Variants in PSD3 observed in about 807,000 individuals in gnomAD.
PSD3 encodes PH and SEC7 domain-containing protein 3.
PSD3 carries 49 observed loss-of-function variants against 105.5 expected under a neutral mutation model. The observed-to-expected ratio is 0.46, with a 90% CI of 0.37 to 0.59. PSD3 has a LOEUF of 0.59. Ranked by LOEUF, PSD3 falls within the 20% of genes least tolerant of loss-of-function variation. PSD3 has a pLI of 0.00. For missense variants in PSD3, 1,561 were observed against 1,263.8 expected (o/e 1.24, Z -3.57); for synonymous variants, 557 against 457.8 (o/e 1.22, Z -2.77).
At chr8:18,540,549 T>C (rs1800097866) in intron 15 of PSD3, among the ~76,000 whole-genome samples, 1 of 152,164 alleles carries the variant, frequency 6.6e-6, no homozygotes, top group Admixed American at 6.5e-5. Flanking sequence ...ATGTCTCACA[T>C]CCTTTCAGTC....
At chr8:18,904,515 G>A in intron 2 of PSD3, among the ~76,000 whole-genome samples, 1 of 152,192 alleles carries the variant, frequency 6.6e-6, no homozygotes, top group Non-Finnish European at 1.5e-5. Context: ...TCCCTGCTGG[G>A]TTTCAGACTT....
chr8:18,563,495 A>T (rs952012091), intron 14 of PSD3, among the ~76,000 whole-genome samples: 5 of 152,134 alleles, frequency 3.3e-5, no homozygotes, highest in African/African-American at 1.2e-4. Flanking sequence ...GAAACTGTTC[A>T]AAACGAAGTG....
intron 10 of PSD3, among the ~76,000 whole-genome samples, chr8:18,636,912 A>G (rs1585458717): frequency 6.6e-6 from 1 of 152,344 alleles, no homozygotes; most frequent in East Asian, 1.9e-4. Flanking sequence ...GACTGTATAT[A>G]TAAGTACACT....
At chr8:18,564,669 G>A (rs1585252317) in intron 14 of PSD3, among the ~76,000 whole-genome samples, 1 of 151,306 alleles carries the variant, frequency 6.6e-6, no homozygotes, top group African/African-American at 2.4e-5. Context: ...AGAAGTGACA[G>A]GACTTTATGA....
intron 8 of PSD3, among the ~76,000 whole-genome samples, chr8:18,796,029 A>T (rs548767540): frequency 3.0e-4 from 45 of 152,324 alleles, no homozygotes; most frequent in African/African-American, 9.9e-4. Flanking sequence ...ATTATATAGC[A>T]AATTCACCAC....
intron 3 of PSD3, among the ~76,000 whole-genome samples, chr8:18,871,111 T>C (rs903018822): frequency 6.6e-6 from 1 of 152,040 alleles, no homozygotes; most frequent in South Asian, 2.1e-4. Context: ...TATAAATAAA[T>C]AAACAAACAA....
In PSD3 at chr8:18,616,616, CTCTTT is replaced by C. The variant is rs1184228134; in HGVS notation, c.2410+15992_2410+15996del. ...TTTGCTAGCCAGGCCTCATCTTCCT[CTCTTT>C]TCTTTTCTTTTTTTTTTTTTGAGAC... On this transcript the variant is annotated intron_variant, in intron 11 of 15. Coordinates refer to ENST00000327040, the MANE Select transcript of PSD3 (RefSeq NM_015310.4). 6.2e-5 allele frequency among the ~76,000 whole-genome samples: 5 copies of C among 80,218 alleles called. 1 individual carries two copies. The highest frequency in any genetic ancestry group is 4.7e-4 in the South Asian group (1 of 2,120). The allele number at this position is 80,218 out of a possible 152,430, so 52.6% of individuals were successfully genotyped here.
chr8:19,046,430 T>G (rs1037420500), intron 1 of PSD3, among the ~76,000 whole-genome samples: 1 of 152,244 alleles, frequency 6.6e-6, no homozygotes, highest in East Asian at 1.9e-4. Context: ...CTTATACTTC[T>G]GACCTTTTCA....
intron 9 of PSD3, chr8:18,733,184 T>TG (rs1281092645): frequency 6.6e-6 from 1 of 152,130 alleles, no homozygotes; most frequent in Non-Finnish European, 1.5e-5. Context: ...CAAAAAGAAA[T>TG]GCTACAAGGA....
chr8:19,069,498 A>G (rs1829183619), intron 1 of PSD3, among the ~76,000 whole-genome samples: 1 of 152,256 alleles, frequency 6.6e-6, no homozygotes, highest in Non-Finnish European at 1.5e-5. Context: ...CACCCATTAC[A>G]TGTACATCTG....
intron 11 of PSD3, among the ~76,000 whole-genome samples, chr8:18,614,777 C>T (rs1332160532): frequency 6.6e-6 from 1 of 151,088 alleles, no homozygotes; most frequent in Non-Finnish European, 1.5e-5. Flanking sequence ...TACAGGTGTG[C>T]ACCATCATGC....
At chr8:18,843,500 C>T (rs1814825235) in intron 4 of PSD3, among the ~76,000 whole-genome samples, 1 of 152,090 alleles carries the variant, frequency 6.6e-6, no homozygotes, top group African/African-American at 2.4e-5. Flanking sequence ...TAGGAAAACC[C>T]CTCCTCCATG....
intron 9 of PSD3, among the ~76,000 whole-genome samples, chr8:18,706,252 A>C (rs1687869402): frequency 6.6e-6 from 1 of 152,232 alleles, no homozygotes; most frequent in African/African-American, 2.4e-5. Context: ...TTAAGATTTT[A>C]GGGTTCTTTG....
chr8:18,742,713 G>T (rs1804670276), intron 9 of PSD3, among the ~76,000 whole-genome samples: 1 of 152,026 alleles, frequency 6.6e-6, no homozygotes, highest in Admixed American at 6.6e-5. Context: ...CCAACTCCAG[G>T]TTTTAATCAC....
chr8:19,050,181 A>C (rs755070900), intron 1 of PSD3, among the ~76,000 whole-genome samples: 1 of 152,172 alleles, frequency 6.6e-6, no homozygotes, highest in Non-Finnish European at 1.5e-5. Context: ...GAAAAAAGAA[A>C]GTGTTCTAAT....
chr8:18,798,052 G>C (rs1437780598), intron 8 of PSD3, among the ~76,000 whole-genome samples: 2 of 152,116 alleles, frequency 1.3e-5, no homozygotes, highest in Non-Finnish European at 2.9e-5. Flanking sequence ...CACGAAAAAA[G>C]TGGTCATGAC....
In PSD3 at chr8:18,782,548, G is replaced by C. The variant is rs528157587; in HGVS notation, c.2082+16747C>G. 4.6e-5 allele frequency among the ~76,000 whole-genome samples: 7 copies of C among 152,280 alleles called. No individual in the cohort carries two copies. The East Asian group carries it at 1.4e-3, about 29-fold the overall frequency. ...GGACATCAGGCAGGCCAGTTCTTAGGCAACAGTGATGGCAACTCTGGGATG... is the reference window on the plus strand; with the variant it reads ...GGACATCAGGCAGGCCAGTTCTTAGCCAACAGTGATGGCAACTCTGGGATG... On this transcript the variant is annotated intron_variant, in intron 8 of 15. Coordinates refer to ENST00000327040, the MANE Select transcript of PSD3 (RefSeq NM_015310.4).
At chr8:18,945,973 C>CA (rs1040998191) in intron 1 of PSD3, among the ~76,000 whole-genome samples, 15 of 151,520 alleles carry the variant, frequency 9.9e-5, no homozygotes, top group African/African-American at 3.4e-4. Context: ...ACTCCATCTC[C>CA]AAAAAAAATT....
Position 18,936,156 on chromosome 8 carries a change from A to G in PSD3, c.22-14T>C, listed in dbSNP as rs1822119160. 4.5e-6 allele frequency: 7 copies of G among 1,564,506 alleles called. No individual in the cohort carries two copies. Among genetic ancestry groups the G allele is most frequent in the Non-Finnish European group, 6.2e-6 (7 of 1,138,144 alleles). ...AAATGTCTCTGCCTGCAAAATAAGA[A>G]CAAAACAAAGACACATTTAAAATAC... On this transcript the variant is annotated splice_polypyrimidine_tract_variant and intron_variant, in intron 1 of 15. Transcript: ENST00000327040.
Sources: allele counts gnomAD v4.1 joint callset (sites outside exome capture counted in the v4.1 genomes callset), GRCh38; gene constraint gnomAD v4.1.1; transcripts MANE v1.5; gene names NCBI Gene and HGNC (gene_info 2026-07-23, HGNC 2026-07-21).